DIPK1A: variants seen among roughly 807,000 people sequenced by gnomAD.
The protein encoded by DIPK1A is family with sequence similarity 69 member A.
Under a neutral mutation model 40.8 loss-of-function variants are expected in DIPK1A, and 27 were observed. The ratio of observed to expected loss-of-function variants is 0.66; its 90% CI spans 0.49 to 0.91. The LOEUF (loss-of-function observed/expected upper bound fraction) is 0.91, where lower values mean the gene tolerates loss of function less well. DIPK1A is among the 40% of genes least tolerant of loss of function. DIPK1A has a pLI of 0.00. For missense variants in DIPK1A, 412 were observed against 505.7 expected (o/e 0.81, Z 1.78); for synonymous variants, 166 against 171.3 (o/e 0.97, Z 0.24).
rs755474540 is a variant in DIPK1A at position 92,843,936 on chromosome 1, A to G, written c.734T>C (p.Ile245Thr). 6 of 1,551,824 alleles carry G rather than the reference A, an allele frequency of 3.9e-6. No individual in the cohort carries two copies. In the South Asian group the frequency reaches 4.8e-5, roughly 12 times the overall value. The change falls in exon 5 of 5, where the codon ATT becomes ACT. Residue 245 changes from isoleucine to threonine, a missense_variant. By Grantham distance (89) the Ile-to-Thr change is moderately conservative (BLOSUM62 -1). Coordinates refer to ENST00000370310, the MANE Select transcript of DIPK1A (RefSeq NM_001006605.5). ...GAACCCAGATGGAATAAAAAGTTCAATGACCCAAGGAAGGCTTATTCCATA... is the reference window on the plus strand; with the variant it reads ...GAACCCAGATGGAATAAAAAGTTCAGTGACCCAAGGAAGGCTTATTCCATA... ...SLYGISLPWV[I>T]ELFIPSGFRR...
intron 1 of DIPK1A, among the ~76,000 whole-genome samples, chr1:92,901,118 C>G (rs1649395171): frequency 6.6e-6 from 1 of 152,040 alleles, no homozygotes; most frequent in Non-Finnish European, 1.5e-5. Context: ...ATGGCATAGG[C>G]TATAGAAATC....
intron 1 of DIPK1A, among the ~76,000 whole-genome samples, chr1:92,936,554 G>A (rs530736851): frequency 6.7e-5 from 10 of 149,916 alleles, no homozygotes; most frequent in South Asian, 2.1e-4. Flanking sequence ...GCTTGAACCC[G>A]GGACGCTGAG....
chr1:92,930,687 A>G (rs1650710114), intron 1 of DIPK1A: 1 of 152,228 alleles, frequency 6.6e-6, no homozygotes, highest in Admixed American at 6.5e-5. Flanking sequence ...TTCTCTGTTC[A>G]TGCCATGCTG....
chr1:92,918,992 C>T (rs1047352365), intron 1 of DIPK1A, among the ~76,000 whole-genome samples: 6 of 152,128 alleles, frequency 3.9e-5, no homozygotes, highest in Admixed American at 2.6e-4. Flanking sequence ...CTCTTCCTGC[C>T]GTGCAGCCTG....
intron 1 of DIPK1A, among the ~76,000 whole-genome samples, chr1:92,927,308 T>C (rs879849708): frequency 6.6e-6 from 1 of 151,400 alleles, no homozygotes; most frequent in Non-Finnish European, 1.5e-5. Context: ...GATCCTCCCA[T>C]CTCAGCTTCC....
At chr1:92,928,305 G>A (rs1277767119) in intron 1 of DIPK1A, among the ~76,000 whole-genome samples, 1 of 152,198 alleles carries the variant, frequency 6.6e-6, no homozygotes, top group Non-Finnish European at 1.5e-5. Context: ...ACTAAATACA[G>A]ATATCTTGTA....
chr1:92,878,694 C>A (rs1021219505), intron 1 of DIPK1A, among the ~76,000 whole-genome samples: 1 of 152,164 alleles, frequency 6.6e-6, no homozygotes, highest in Non-Finnish European at 1.5e-5. Context: ...GTGGCGGGGG[C>A]CTGTAGTCCC....
intron 1 of DIPK1A, among the ~76,000 whole-genome samples, chr1:92,914,774 GAA>G (rs112356216): frequency 7.7e-6 from 1 of 129,568 alleles, no homozygotes; most frequent in Non-Finnish European, 1.6e-5. Context: ...GTCTCAAAAA[GAA>G]AAAAAAAAAA....
At chr1:92,855,950 C>T (rs1687972487) in intron 2 of DIPK1A, among the ~76,000 whole-genome samples, 1 of 151,914 alleles carries the variant, frequency 6.6e-6, no homozygotes, top group African/African-American at 2.4e-5. Context: ...TGTGGATGCA[C>T]ACCTGTGTCC....
intron 2 of DIPK1A, among the ~76,000 whole-genome samples, chr1:92,873,856 T>C (rs1431844038): frequency 1.3e-5 from 2 of 152,162 alleles, no homozygotes; most frequent in African/African-American, 2.4e-5. Flanking sequence ...GGACAACATG[T>C]GCATGCCATC....
intron 1 of DIPK1A, among the ~76,000 whole-genome samples, chr1:92,929,130 T>G (rs1006831733): frequency 6.6e-6 from 1 of 152,248 alleles, no homozygotes; most frequent in South Asian, 2.1e-4. Context: ...GAAGATATTT[T>G]GTTATTGACT....
At chr1:92,895,271 C>G (rs1046787208) in intron 1 of DIPK1A, among the ~76,000 whole-genome samples, 3 of 152,084 alleles carry the variant, frequency 2.0e-5, no homozygotes, top group African/African-American at 4.8e-5. Context: ...TACTGGCAAA[C>G]TGAATCCAGC....
At chr1:92,866,155 G>A (rs1280740078) in intron 2 of DIPK1A, among the ~76,000 whole-genome samples, 1 of 152,218 alleles carries the variant, frequency 6.6e-6, no homozygotes, top group Non-Finnish European at 1.5e-5. Context: ...ATGCTGGAGT[G>A]CAATGGCGTG....
intron 1 of DIPK1A, among the ~76,000 whole-genome samples, chr1:92,941,130 T>G (rs944504931): frequency 1.3e-5 from 2 of 152,222 alleles, no homozygotes; most frequent in African/African-American, 4.8e-5. Flanking sequence ...AAGATCAAAT[T>G]TATCAATTTT....
intron 2 of DIPK1A, among the ~76,000 whole-genome samples, chr1:92,871,277 T>C (rs1647834811): frequency 6.6e-6 from 1 of 152,176 alleles, no homozygotes; most frequent in African/African-American, 2.4e-5. Context: ...GCAATTCTCC[T>C]GCCTCAGCCT....
intron 1 of DIPK1A, among the ~76,000 whole-genome samples, chr1:92,926,776 T>G (rs1650529957): frequency 6.6e-6 from 1 of 152,258 alleles, no homozygotes; most frequent in African/African-American, 2.4e-5. Flanking sequence ...CTGGTAGTAC[T>G]CCTTGAAGTC....
intron 1 of DIPK1A, among the ~76,000 whole-genome samples, chr1:92,948,708 T>C (rs1285108690): frequency 6.9e-6 from 1 of 145,696 alleles, no homozygotes; most frequent in Non-Finnish European, 1.5e-5. Context: ...CATATGTATA[T>C]ACACATATAT....
intron 1 of DIPK1A, among the ~76,000 whole-genome samples, chr1:92,877,768 G>A (rs1246493861): frequency 6.6e-6 from 1 of 152,158 alleles, no homozygotes; most frequent in Non-Finnish European, 1.5e-5. Context: ...AAAAGACAAT[G>A]GGGTATATAC....
At chr1:92,870,073 TATACACACACACAC>T (rs1325316161) in intron 2 of DIPK1A, among the ~76,000 whole-genome samples, 19 of 143,750 alleles carry the variant, frequency 1.3e-4, no homozygotes, top group Middle Eastern at 3.5e-3. Flanking sequence ...ATGAATTATA[TATACACACACACAC>T]ACACACACAC....
Sources: gnomAD v4.1 joint callset for allele counts (sites outside exome capture counted in the v4.1 genomes callset) on GRCh38, gnomAD v4.1.1 for gene constraint, MANE v1.5 for transcripts, NCBI Gene and HGNC (gene_info 2026-07-23, HGNC 2026-07-21) for gene names.